Variants in LRRC7 observed in about 807,000 individuals in gnomAD.
LRRC7 encodes leucine rich repeat containing 7.
A neutral mutation model predicts 175.7 loss-of-function variants in LRRC7; 23 were observed. That is an observed-to-expected ratio of 0.13 (90% confidence interval 0.09 to 0.19). The LOEUF is 0.19. Ranked by LOEUF, LRRC7 falls within the 10% of genes least tolerant of loss-of-function variation. The pLI is 1.00. For missense variants in LRRC7, 1,354 were observed against 1,904.7 expected, an observed-to-expected ratio of 0.71 and a Z score of 5.38; for synonymous variants, 685 against 680.9, an observed-to-expected ratio of 1.01 and a Z score of -0.09.
intron 4 of LRRC7, among the ~76,000 whole-genome samples, chr1:69,802,815 TC>T: frequency 6.6e-6 from 1 of 151,568 alleles, no homozygotes; most frequent in South Asian, 2.1e-4. Flanking sequence ...AACATATTAC[TC>T]TTTATTGCAT....
chr1:69,799,936 G>A (rs771241350), intron 4 of LRRC7, among the ~76,000 whole-genome samples: 5 of 151,922 alleles, frequency 3.3e-5, no homozygotes, highest in Non-Finnish European at 7.4e-5. Flanking sequence ...TGAGAGATAG[G>A]GTGAGTTTCA....
intron 1 of LRRC7, among the ~76,000 whole-genome samples, chr1:69,589,144 GTGTGTGTGTA>G (rs1427475068): frequency 6.6e-6 from 1 of 150,456 alleles, no homozygotes; most frequent in African/African-American, 2.5e-5. Flanking sequence ...GTGTGTGTGT[GTGTGTGTGTA>G]TGTCTGTGTG....
At chr1:69,954,920 T>A (rs901741959) in intron 8 of LRRC7, among the ~76,000 whole-genome samples, 5 of 152,064 alleles carry the variant, frequency 3.3e-5, no homozygotes, top group Non-Finnish European at 2.9e-5. Flanking sequence ...ATACACAAGA[T>A]GTTAATGGCA....
In LRRC7 at chr1:70,141,583, CAT is replaced by C. The variant is rs1667063217; in HGVS notation, c.*19697_*19698del. The C allele has an allele frequency of 6.6e-6, 1 of 151,876 alleles. No individual in the cohort carries two copies. Among genetic ancestry groups the C allele is most frequent in the African/African-American group, 2.4e-5 (1 of 41,352 alleles). The allele number at this position is 151,876 out of a possible 1,614,324, so 9.4% of individuals were successfully genotyped here. A position where few individuals can be genotyped will look rare whatever the true frequency, so the allele number is the denominator to read the frequency against. ...CAATGAATTCAGGGGAATGAAAATA[CAT>C]GTTAGAAATTAAAATGTGGTTATCT... On this transcript the variant is annotated 3_prime_UTR_variant, in exon 27 of 27. Coordinates refer to ENST00000651989, the MANE Select transcript of LRRC7 (RefSeq NM_001370785.2).
chr1:69,671,264 C>G (rs1570281141), intron 1 of LRRC7, among the ~76,000 whole-genome samples: 1 of 152,094 alleles, frequency 6.6e-6, no homozygotes, highest in African/African-American at 2.4e-5. Flanking sequence ...TCCCTTCTTG[C>G]CTAGGGTGTG....
At chr1:69,628,285 A>G (rs1443665370) in intron 1 of LRRC7, among the ~76,000 whole-genome samples, 2 of 152,186 alleles carry the variant, frequency 1.3e-5, no homozygotes, top group Non-Finnish European at 2.9e-5. Flanking sequence ...TACCAAAGTC[A>G]TAGGATAGAA....
At chr1:69,608,336 C>T (rs997835928) in intron 1 of LRRC7, 3 of 152,098 alleles carry the variant, frequency 2.0e-5, no homozygotes, top group Admixed American at 1.3e-4. Context: ...CCACAGCCCT[C>T]CTTTATATTC....
chr1:69,703,444 A>G (rs1158764332), intron 2 of LRRC7, among the ~76,000 whole-genome samples: 1 of 151,982 alleles, frequency 6.6e-6, no homozygotes, highest in East Asian at 1.9e-4. Context: ...AAGACTTAAC[A>G]AAATTTTGTT....
chr1:69,688,630 G>GTT (rs1353374853), intron 2 of LRRC7, among the ~76,000 whole-genome samples: 3 of 128,358 alleles, frequency 2.3e-5, no homozygotes, highest in Non-Finnish European at 3.3e-5. Context: ...TTCTTTTTAT[G>GTT]GTTTTTTTTT....
intron 2 of LRRC7, among the ~76,000 whole-genome samples, chr1:69,754,338 C>G: frequency 6.6e-6 from 1 of 151,766 alleles, no homozygotes; most frequent in Non-Finnish European, 1.5e-5. Flanking sequence ...TAGGCAGTTG[C>G]GATGAAGAAA....
At chr1:69,831,153 T>C (rs1317942614) in intron 5 of LRRC7, among the ~76,000 whole-genome samples, 2 of 151,994 alleles carry the variant, frequency 1.3e-5, no homozygotes, top group Non-Finnish European at 2.9e-5. Context: ...AAAATTAGTA[T>C]TTTAATTTAA....
At chr1:70,028,427 A>G in intron 18 of LRRC7, 56 bp downstream of exon 18, 1 of 1,481,766 alleles carries the variant, frequency 6.7e-7, no homozygotes. Context: ...GGAATTTTAA[A>G]TATGTTTTTT....
At chr1:70,106,570 A>G (rs1402406972) in intron 25 of LRRC7, among the ~76,000 whole-genome samples, 1 of 152,190 alleles carries the variant, frequency 6.6e-6, no homozygotes, top group Non-Finnish European at 1.5e-5. Context: ...GTCAATTAAA[A>G]TCTTATCACA....
At chr1:69,901,320 A>G (rs1433345125) in intron 7 of LRRC7, among the ~76,000 whole-genome samples, 1 of 152,242 alleles carries the variant, frequency 6.6e-6, no homozygotes, top group Non-Finnish European at 1.5e-5. Context: ...TTGGAGAATG[A>G]CAGAGAAAAA....
chr1:70,061,657 C>A (rs1661586748), intron 23 of LRRC7, among the ~76,000 whole-genome samples: 4 of 152,100 alleles, frequency 2.6e-5, no homozygotes. Flanking sequence ...TGCAGTTTTT[C>A]TCTTGACCAA....
rs143357509 is a variant in LRRC7 at position 70,053,104 on chromosome 1, C to T, written c.4189C>T (p.Leu1397Phe). 6.2e-7 allele frequency: 1 copy of T among 1,610,560 alleles called. No individual in the cohort carries two copies. The change falls in exon 23 of 27, where the codon CTT becomes TTT. Residue 1397 changes from leucine (L) to phenylalanine (F), a missense_variant. Physicochemically the swap from Leu to Phe is conservative, Grantham distance 22. Coordinates refer to ENST00000651989, the MANE Select transcript of LRRC7 (RefSeq NM_001370785.2). ...TAGTGGCCAATGGAATCCTTATCCACTTGGGAGGCGGGATGTACCTCCGGA... is the reference window on the plus strand; with the variant it reads ...TAGTGGCCAATGGAATCCTTATCCATTTGGGAGGCGGGATGTACCTCCGGA... Reference protein sequence around the residue: ...SPSGQWNPYPLGRRDVPPDTI... With the variant: ...SPSGQWNPYPFGRRDVPPDTI...
At chr1:69,762,429 T>C (rs532442558) in intron 3 of LRRC7, among the ~76,000 whole-genome samples, 166 of 152,106 alleles carry the variant, frequency 1.1e-3, no homozygotes, top group South Asian at 1.9e-3. Flanking sequence ...CCAAGTACCA[T>C]TGTAGAGCGT....
Position 70,100,918 on chromosome 1 carries a change from G to A in LRRC7, c.4546-6834G>A, listed in dbSNP as rs116834125. On this transcript the variant is annotated intron_variant, in intron 25 of 26. Coordinates refer to ENST00000651989, the MANE Select transcript of LRRC7 (RefSeq NM_001370785.2). Reference sequence around the variant, plus strand: ...TTCAAAGCGTAAAACTTGATGCATAGCAATTAACCTTAAAATACTTTGTCA... The same window carrying A: ...TTCAAAGCGTAAAACTTGATGCATAACAATTAACCTTAAAATACTTTGTCA... 8.5e-3 allele frequency among the ~76,000 whole-genome samples: 1,291 copies of A among 152,162 alleles called. 12 individuals carry two copies. The highest frequency in any genetic ancestry group is 0.029 in the African/African-American group (1,214 of 41,540).
At chr1:69,723,755 T>A (rs1666621329) in intron 2 of LRRC7, among the ~76,000 whole-genome samples, 1 of 152,090 alleles carries the variant, frequency 6.6e-6, no homozygotes, top group Admixed American at 6.6e-5. Context: ...GCCAGCAGAT[T>A]CAGTGTCTAA....
Sources: gnomAD v4.1 joint callset for allele counts (sites outside exome capture counted in the v4.1 genomes callset) on GRCh38, gnomAD v4.1.1 for gene constraint, MANE v1.5 for transcripts, NCBI Gene and HGNC (gene_info 2026-07-23, HGNC 2026-07-21) for gene names.